Variants in FGD3 observed in about 807,000 individuals in gnomAD.
FGD3 encodes the protein FYVE, RhoGEF and PH domain containing 3, also known as FYVE, RhoGEF and PH domain-containing protein 3.
FGD3 carries 45 observed loss-of-function variants against 71.8 expected under a neutral mutation model. The ratio of observed to expected loss-of-function variants is 0.63; its 90% CI spans 0.49 to 0.80. The LOEUF is 0.80. FGD3 is among the 30% of genes least tolerant of loss of function. FGD3 has a pLI of 0.00. For missense variants in FGD3, 844 were observed against 951.5 expected (o/e 0.89, Z 1.49); for synonymous variants, 378 against 392.8 (o/e 0.96, Z 0.44).
At chr9:93,012,635 ATTAGCCAGGTGTGGTGGCTCACACCTG>A (rs1194196056) in intron 8 of FGD3, among the ~76,000 whole-genome samples, 2 of 139,444 alleles carry the variant, frequency 1.4e-5, no homozygotes, top group African/African-American at 5.4e-5. Context: ...AAATACAAAA[ATTAGCCAGGTGTGGTGGCTCACACCTG>A]TGAGCCACCA....
intron 1 of FGD3, among the ~76,000 whole-genome samples, chr9:92,957,349 G>T (rs1449221171): frequency 1.3e-5 from 2 of 152,240 alleles, no homozygotes; most frequent in African/African-American, 4.8e-5. Flanking sequence ...AGTTACGTTT[G>T]CTCCACATCC....
intron 7 of FGD3, among the ~76,000 whole-genome samples, chr9:93,010,848 A>C (rs1439952592): frequency 6.6e-6 from 1 of 152,102 alleles, no homozygotes; most frequent in Non-Finnish European, 1.5e-5. Flanking sequence ...GGTCTGGGGA[A>C]GGTGCTACTA....
At chr9:92,986,901 C>T (rs1367595227) in intron 3 of FGD3, among the ~76,000 whole-genome samples, 3 of 152,200 alleles carry the variant, frequency 2.0e-5, no homozygotes, top group Non-Finnish European at 2.9e-5. Flanking sequence ...AATCTCATGG[C>T]GTATCCCCAA....
chr9:93,021,324 G>A (rs1861910410), intron 13 of FGD3, among the ~76,000 whole-genome samples: 1 of 152,182 alleles, frequency 6.6e-6, no homozygotes, highest in African/African-American at 2.4e-5. Flanking sequence ...GAAAGAGGCG[G>A]GGCTGCAGGG....
At chr9:92,947,926 C>T (rs922428758) in intron 1 of FGD3, among the ~76,000 whole-genome samples, 197 bp downstream of exon 1, 1 of 152,014 alleles carries the variant, frequency 6.6e-6, no homozygotes, top group East Asian at 1.9e-4. Context: ...CAGCTTTCTG[C>T]CCCCTCCTGA....
chr9:92,948,713 G>T (rs1228926349), intron 1 of FGD3, among the ~76,000 whole-genome samples: 1 of 152,214 alleles, frequency 6.6e-6, no homozygotes, highest in Non-Finnish European at 1.5e-5. Flanking sequence ...ATATTGTGCA[G>T]AAAGGTTAAA....
Position 93,032,766 on chromosome 9 carries a change from C to T in FGD3, c.1681-3C>T. ...GGGGTCACACGTGCCCTCTGTTTGG[C>T]AGGTCATCTGTGGGAAGTGCTCCGA... On this transcript the variant is annotated splice_region_variant and splice_polypyrimidine_tract_variant and intron_variant, in intron 15 of 17. Coordinates refer to ENST00000375482, the MANE Select transcript of FGD3 (RefSeq NM_001083536.2). 1.2e-6 allele frequency: 2 copies of T among 1,614,044 alleles called. No homozygotes were observed. The highest frequency in any genetic ancestry group is 1.7e-6 in the Non-Finnish European group (2 of 1,179,870).
At chr9:93,007,126 T>C (rs1861092720) in intron 6 of FGD3, among the ~76,000 whole-genome samples, 1 of 152,046 alleles carries the variant, frequency 6.6e-6, no homozygotes, top group Non-Finnish European at 1.5e-5. Flanking sequence ...AGTCTCACTC[T>C]GTAGCCCAGG....
At chr9:92,993,125 T>TA in intron 3 of FGD3, among the ~76,000 whole-genome samples, 1 of 152,296 alleles carries the variant, frequency 6.6e-6, no homozygotes, top group Non-Finnish European at 1.5e-5. Flanking sequence ...TCAGCCATCT[T>TA]ACTGATATCA....
intron 14 of FGD3, among the ~76,000 whole-genome samples, chr9:93,027,295 T>G (rs967795206): frequency 6.6e-6 from 1 of 152,170 alleles, no homozygotes; most frequent in Non-Finnish European, 1.5e-5. Context: ...ACAGAGGCAC[T>G]GGTGTCAGTT....
In FGD3 at chr9:93,010,348, C is replaced by A. The variant is rs763342855; in HGVS notation, c.940C>A (p.Leu314Ile). ...ELLLKDYLKR[L>I]PQDAPDRKDA... ...GCTGCTCAAGGACTATCTGAAGAGG[C>A]TCCCGCAGGACGCCCCAGACCGGAA... is the stretch of plus-strand genomic sequence containing the variant. The change falls in exon 7 of 18, where the codon CTC (leucine) becomes ATC (isoleucine). Residue 314 changes from leucine (L) to isoleucine (I), a missense_variant. Transcript: ENST00000375482. The A allele has an allele frequency of 6.2e-7, 1 of 1,613,302 alleles. No homozygotes were observed. Among genetic ancestry groups the A allele is most frequent in the Admixed American group, 1.7e-5 (1 of 59,996 alleles).
At chr9:93,004,200 G>T in intron 5 of FGD3, 63 bp downstream of exon 5, 1 of 1,592,002 alleles carries the variant, frequency 6.3e-7, no homozygotes, top group Admixed American at 1.7e-5. Flanking sequence ...GGGTTCATGT[G>T]CCTGAGAGCG....
chr9:93,015,562 C>A, intron 9 of FGD3, 175 bp from the exon 10 acceptor site: 1 of 468,186 alleles, frequency 2.1e-6, no homozygotes, highest in Admixed American at 3.6e-5. Context: ...CGACTAGAGT[C>A]TCCTCACTCA....
intron 14 of FGD3, among the ~76,000 whole-genome samples, chr9:93,027,562 A>C (rs1194603391): frequency 6.6e-6 from 1 of 151,902 alleles, no homozygotes; most frequent in Non-Finnish European, 1.5e-5. Flanking sequence ...AAATATAGTC[A>C]CATTCAGAGT....
chr9:93,026,687 G>A (rs774570654), intron 14 of FGD3, among the ~76,000 whole-genome samples: 15 of 152,350 alleles, frequency 9.8e-5, no homozygotes, highest in South Asian at 8.3e-4. Flanking sequence ...ACTGGGACCC[G>A]GTCCCACTGG....
chr9:93,007,480 TA>T (rs1484134451), intron 6 of FGD3, among the ~76,000 whole-genome samples: 1 of 152,138 alleles, frequency 6.6e-6, no homozygotes, highest in African/African-American at 2.4e-5. Context: ...CAAGACTATA[TA>T]ACCCCATCTC....
At chr9:93,020,706 G>A in intron 13 of FGD3, 1 of 386,586 alleles carries the variant, frequency 2.6e-6, no homozygotes, top group East Asian at 5.2e-5. Flanking sequence ...GCTGCTGTGT[G>A]GTTGGAGAGG....
chr9:93,013,541 T>C (rs1440702030), intron 8 of FGD3, among the ~76,000 whole-genome samples: 1 of 152,186 alleles, frequency 6.6e-6, no homozygotes, highest in Non-Finnish European at 1.5e-5. Context: ...TCCTTGTCTG[T>C]AAAATGAAGA....
At chr9:93,006,572 C>T (rs1388765844) in intron 6 of FGD3, among the ~76,000 whole-genome samples, 1 of 152,150 alleles carries the variant, frequency 6.6e-6, no homozygotes, top group Non-Finnish European at 1.5e-5. Context: ...TTTTCGCTTT[C>T]TGCTAAGAGC....
Sources: allele counts gnomAD v4.1 joint callset (sites outside exome capture counted in the v4.1 genomes callset), GRCh38; gene constraint gnomAD v4.1.1; transcripts MANE v1.5; gene names NCBI Gene and HGNC (gene_info 2026-07-23, HGNC 2026-07-21).